Variants in SPATA6 observed in about 807,000 individuals in gnomAD.
The protein encoded by SPATA6 is spermatogenesis-associated protein 6.
SPATA6 carries 56 observed loss-of-function variants against 65.3 expected under a neutral mutation model. The ratio of observed to expected loss-of-function variants is 0.86; its 90% CI spans 0.69 to 1.07. SPATA6 has a LOEUF of 1.07. Among genes scored for constraint, SPATA6 ranks in the 50% least tolerant of loss-of-function variants. The probability of loss-of-function intolerance (pLI) is 0.00; values close to 1 mark genes in which losing one functional copy is unlikely to be tolerated. For synonymous variants in SPATA6, 199 were observed against 213.2 expected, an observed-to-expected ratio of 0.93 and a Z score of 0.58; for missense variants, 590 against 594.8, an observed-to-expected ratio of 0.99 and a Z score of 0.08.
chr1:48,419,912 T>A (rs1653160910), intron 3 of SPATA6, among the ~76,000 whole-genome samples: 1 of 152,308 alleles, frequency 6.6e-6, no homozygotes, highest in Middle Eastern at 3.4e-3. Context: ...GTCATGAGAA[T>A]CTATCCATCT....
intron 3 of SPATA6, among the ~76,000 whole-genome samples, chr1:48,433,191 G>A (rs905593437): frequency 6.6e-6 from 1 of 152,078 alleles, no homozygotes; most frequent in Admixed American, 6.6e-5. Flanking sequence ...GATGAAAAGA[G>A]TTATGGAGCT....
downstream of SPATA6, among the ~76,000 whole-genome samples, chr1:48,290,938 C>T (rs931918730): frequency 1.3e-5 from 2 of 152,000 alleles, no homozygotes; most frequent in Non-Finnish European, 2.9e-5. Flanking sequence ...GACAGATCAA[C>T]GAGACAGAAA....
In SPATA6 at chr1:48,445,112, G is replaced by A. The variant is rs118149676; in HGVS notation, c.238+6440C>T. Among the ~76,000 whole-genome samples, 805 of 152,300 alleles carry A rather than the reference G, an allele frequency of 5.3e-3. 20 individuals are homozygous for A. Among genetic ancestry groups the A allele is most frequent in the South Asian group, 0.05 (242 of 4,830 alleles). On this transcript the variant is annotated intron_variant, in intron 3 of 12. Transcript: ENST00000371847. ...GAATAGGTAGCTGAAAATTCTAGAA[G>A]ATTCCACATTGGTTCAATAATTTTC...
In SPATA6 at chr1:48,355,717, C is replaced by G. The variant is rs1646639803; in HGVS notation, c.1147G>C (p.Val383Leu). ...PSNCDEIHDRVKNVLKSHQAH... is the reference protein window; with the variant it reads ...PSNCDEIHDRLKNVLKSHQAH... The stretch of plus-strand genomic sequence containing the variant: ...TGATGTGATTTCAAGACATTTTTTA[C>G]CCGGTCATGGATCTCATCGCAGTTT... Residue 383 changes from valine to leucine, a missense_variant, in exon 11 of 13, where the codon GTA becomes CTA. By Grantham distance (32) the Val-to-Leu change is conservative. Coordinates refer to ENST00000371847, the MANE Select transcript of SPATA6 (RefSeq NM_019073.4). 6.2e-7 allele frequency: 1 copy of G among 1,612,862 alleles called. No homozygotes were observed. The highest frequency in any genetic ancestry group is 1.1e-5 in the South Asian group (1 of 90,964).
chr1:48,330,946 A>G (rs1366392302), intron 11 of SPATA6, among the ~76,000 whole-genome samples: 1 of 152,228 alleles, frequency 6.6e-6, no homozygotes, highest in Non-Finnish European at 1.5e-5. Context: ...AAATGCAGAG[A>G]GGAAGACAGT....
intron 11 of SPATA6, among the ~76,000 whole-genome samples, chr1:48,339,636 A>G (rs1354289431): frequency 6.6e-6 from 1 of 152,014 alleles, no homozygotes; most frequent in Non-Finnish European, 1.5e-5. Context: ...CAATTACCTA[A>G]TATAATAAAT....
chr1:48,365,940 T>C (rs909911342), intron 9 of SPATA6, among the ~76,000 whole-genome samples: 3 of 152,204 alleles, frequency 2.0e-5, no homozygotes, highest in Admixed American at 2.0e-4. Context: ...TTGTCATAGA[T>C]AGCTCTTATT....
rs191972811 is a variant in SPATA6, at chr1:48,312,397, G to A, written c.1195-6519C>T. ...CAACATTTGCTGTTCACCAAGATCCGCTGTTCTGCAGTCTTCGCTGCTGAT... is the reference window on the plus strand; with the variant it reads ...CAACATTTGCTGTTCACCAAGATCCACTGTTCTGCAGTCTTCGCTGCTGAT... On this transcript the variant is annotated intron_variant, in intron 11 of 12. Coordinates refer to ENST00000371847, the MANE Select transcript of SPATA6 (RefSeq NM_019073.4). Among the ~76,000 whole-genome samples, 404 of 152,230 alleles carry A rather than the reference G, an allele frequency of 2.7e-3. 1 individual carries two copies. Among genetic ancestry groups the A allele is most frequent in the African/African-American group, 9.1e-3 (380 of 41,548 alleles).
chr1:48,447,681 A>G (rs1656191270), intron 3 of SPATA6, among the ~76,000 whole-genome samples: 1 of 152,214 alleles, frequency 6.6e-6, no homozygotes, highest in African/African-American at 2.4e-5. Flanking sequence ...AATGTAAAAA[A>G]GTTAAAATCC....
chr1:48,319,064 T>C (rs1170739047), intron 11 of SPATA6, among the ~76,000 whole-genome samples: 1 of 152,094 alleles, frequency 6.6e-6, no homozygotes, highest in East Asian at 1.9e-4. Context: ...GATTTCCACA[T>C]GAAAAAGAAT....
intron 11 of SPATA6, among the ~76,000 whole-genome samples, chr1:48,327,334 A>C (rs908768718): frequency 6.6e-6 from 1 of 152,220 alleles, no homozygotes; most frequent in African/African-American, 2.4e-5. Context: ...ACTACGAAAA[A>C]GTCAAAAAAC....
the SPATA6 span, among the ~76,000 whole-genome samples, chr1:48,267,723 C>T: frequency 1.8e-4 from 27 of 147,720 alleles, no homozygotes; most frequent in East Asian, 2.4e-3. Flanking sequence ...CGACGTCCAG[C>T]GCTCGAGTCT....
chr1:48,414,871 C>T (rs1448764949), intron 3 of SPATA6, among the ~76,000 whole-genome samples: 1 of 151,948 alleles, frequency 6.6e-6, no homozygotes, highest in Admixed American at 6.6e-5. Context: ...TCAGATATGG[C>T]AGGAATATTG....
intron 11 of SPATA6, among the ~76,000 whole-genome samples, chr1:48,337,426 C>T (rs1646090220): frequency 6.6e-6 from 1 of 151,708 alleles, no homozygotes; most frequent in Non-Finnish European, 1.5e-5. Context: ...TATTTAATTT[C>T]AAATTATAAA....
At chr1:48,325,168 A>G (rs1342452988) in intron 11 of SPATA6, 1 of 646,474 alleles carries the variant, frequency 1.5e-6, no homozygotes, top group East Asian at 2.6e-5. Flanking sequence ...TTTCAGGGTT[A>G]TGGACTGCAA....
At chr1:48,467,808 A>T (rs770378467) in intron 1 of SPATA6, among the ~76,000 whole-genome samples, 20 of 152,178 alleles carry the variant, frequency 1.3e-4, no homozygotes, top group Non-Finnish European at 2.5e-4. Flanking sequence ...ATCTCTAATC[A>T]TCAGGGAAAT....
In SPATA6 at chr1:48,403,813, ATTTCC is replaced by A. The variant is rs1651417234; in HGVS notation, c.470_474del (p.Arg157MetfsTer6). ...CAAATAATTTTAACCTGAGTGTGGC[ATTTCC>A]TTGAACTTATCAGACATTCAGTAAT... On this transcript the variant is annotated frameshift_variant, in exon 6 of 13. Coordinates refer to ENST00000371847, the MANE Select transcript of SPATA6 (RefSeq NM_019073.4). LOFTEE classifies it high-confidence loss of function. 1 of 1,606,130 alleles carries A rather than the reference ATTTCC, an allele frequency of 6.2e-7. No individual in the cohort carries two copies. Among genetic ancestry groups the A allele is most frequent in the African/African-American group, 1.3e-5 (1 of 74,662 alleles).
At chr1:48,278,171 A>C in the SPATA6 span, among the ~76,000 whole-genome samples, 1 of 152,172 alleles carries the variant, frequency 6.6e-6, no homozygotes. Context: ...CCACACCAAA[A>C]ACTCATCTGT....
In SPATA6 at chr1:48,359,554, T is replaced by A. The variant is rs1289365839; in HGVS notation, c.1094+32A>T. ...CCTTCTAATACTTATTATTCAAAGA[T>A]CAGTACAGAAATGAAGACCGCACAT... is the stretch of plus-strand genomic sequence containing the variant. On this transcript the variant is annotated intron_variant, in intron 10 of 12. Transcript: ENST00000371847. 1.9e-6 allele frequency: 3 copies of A among 1,586,016 alleles called. No homozygotes were observed. The South Asian group carries it at 3.4e-5, about 18-fold the overall frequency.
Sources: allele counts gnomAD v4.1 joint callset (sites outside exome capture counted in the v4.1 genomes callset), GRCh38; gene constraint gnomAD v4.1.1; transcripts MANE v1.5; gene names NCBI Gene and HGNC (gene_info 2026-07-23, HGNC 2026-07-21).